SIPA1L3: variants seen among roughly 807,000 people sequenced by gnomAD.
SIPA1L3 encodes the protein signal-induced proliferation-associated 1-like protein 3.
Under a neutral mutation model 150.1 loss-of-function variants are expected in SIPA1L3, and 59 were observed. That is an observed-to-expected ratio of 0.39 (90% CI 0.32 to 0.49). The LOEUF (loss-of-function observed/expected upper bound fraction) is 0.49, where lower values mean the gene tolerates loss of function less well. SIPA1L3 is among the 20% of genes least tolerant of loss of function. The probability of loss-of-function intolerance (pLI) is 0.86; values close to 1 mark genes in which losing one functional copy is unlikely to be tolerated. For missense variants in SIPA1L3, 2,211 were observed against 2,489.5 expected (o/e 0.89, Z 2.38); for synonymous variants, 1,070 against 1,077.6 (o/e 0.99, Z 0.14).
At chr19:38,187,964 C>T (rs953486838) in intron 16 of SIPA1L3, among the ~76,000 whole-genome samples, 14 of 151,158 alleles carry the variant, frequency 9.3e-5, no homozygotes, top group African/African-American at 3.4e-4. Context: ...CCACTGCAGT[C>T]TAGCCTGGGC....
At chr19:38,030,625 T>TAC (rs57648899) in intron 2 of SIPA1L3, among the ~76,000 whole-genome samples, 2,565 of 20,526 alleles carry the variant, frequency 0.12, 297 homozygotes, top group African/African-American at 0.2. Context: ...ATGTGGCAAA[T>TAC]ATATATATAT....
intron 10 of SIPA1L3, among the ~76,000 whole-genome samples, chr19:38,135,830 C>G (rs887191268): frequency 6.6e-6 from 1 of 152,000 alleles, no homozygotes; most frequent in African/African-American, 2.4e-5. Flanking sequence ...GCTGATGACC[C>G]AGGCTCTGGG....
intron 2 of SIPA1L3, among the ~76,000 whole-genome samples, chr19:38,073,384 T>C (rs1969764303): frequency 6.6e-6 from 1 of 152,246 alleles, no homozygotes; most frequent in African/African-American, 2.4e-5. Flanking sequence ...TGACATGAGA[T>C]GACTAAATGT....
chr19:38,016,634 G>A (rs556944943), intron 1 of SIPA1L3, among the ~76,000 whole-genome samples: 36 of 151,904 alleles, frequency 2.4e-4, no homozygotes, highest in Non-Finnish European at 4.7e-4. Flanking sequence ...CTGGGATTAC[G>A]GGCACATGCC....
rs3083628 is a variant in SIPA1L3, at chr19:38,134,707, GAA to G, written c.3143+3959_3143+3960del. On this transcript the variant is annotated intron_variant, in intron 10 of 21. Coordinates refer to ENST00000222345, the MANE Select transcript of SIPA1L3 (RefSeq NM_015073.3). ...ATGACAGAGCGAGACTCTGTTTCAG[GAA>G]AAAAAAAAAAAAAAAAAAAAAAAGG... 8.5e-4 allele frequency among the ~76,000 whole-genome samples: 77 copies of G among 91,036 alleles called. No homozygotes were observed. The East Asian group carries it at 0.015, about 18-fold the overall frequency. 59.7% of individuals were successfully genotyped at this position (91,036 alleles called of 152,430 possible).
intron 1 of SIPA1L3, among the ~76,000 whole-genome samples, chr19:38,018,965 T>C (rs1968303666): frequency 6.6e-6 from 1 of 152,196 alleles, no homozygotes; most frequent in Non-Finnish European, 1.5e-5. Flanking sequence ...AAAGTGATCG[T>C]AACCCCACTC....
intron 12 of SIPA1L3, among the ~76,000 whole-genome samples, chr19:38,148,634 C>T (rs554906345): frequency 4.6e-5 from 7 of 152,260 alleles, no homozygotes; most frequent in Admixed American, 1.3e-4. Context: ...ATTGACAGAG[C>T]GGGCTGGAGC....
intron 2 of SIPA1L3, among the ~76,000 whole-genome samples, chr19:38,058,829 A>G (rs537002687): frequency 6.6e-6 from 1 of 152,274 alleles, no homozygotes; most frequent in African/African-American, 2.4e-5. Flanking sequence ...GTTCTAGAGC[A>G]GCCTGGCTGG....
At chr19:38,156,220 A>C (rs2145967999) in intron 13 of SIPA1L3, among the ~76,000 whole-genome samples, 1 of 152,146 alleles carries the variant, frequency 6.6e-6, no homozygotes, top group Non-Finnish European at 1.5e-5. Context: ...CACTGCCTGC[A>C]ATTCTGTCAT....
At chr19:38,034,829 C>T (rs935416708) in intron 2 of SIPA1L3, among the ~76,000 whole-genome samples, 2 of 152,172 alleles carry the variant, frequency 1.3e-5, no homozygotes, top group Non-Finnish European at 2.9e-5. Flanking sequence ...GTTATTCTTC[C>T]CAGGATGAGC....
intron 1 of SIPA1L3, among the ~76,000 whole-genome samples, chr19:37,924,270 A>G (rs2145487622): frequency 6.6e-6 from 1 of 152,260 alleles, no homozygotes; most frequent in South Asian, 2.1e-4. Flanking sequence ...CCACAGGATC[A>G]TTAGTATCAC....
chr19:38,109,474 A>G (rs1367358380), intron 7 of SIPA1L3: 2 of 152,134 alleles, frequency 1.3e-5, no homozygotes, highest in Non-Finnish European at 1.5e-5. Flanking sequence ...CAGCCAAACC[A>G]TATCAGAGGG....
At chr19:38,044,175 C>G (rs912354573) in intron 2 of SIPA1L3, among the ~76,000 whole-genome samples, 2 of 152,154 alleles carry the variant, frequency 1.3e-5, no homozygotes, top group Admixed American at 1.3e-4. Flanking sequence ...ACCCCAGGGT[C>G]GGGGTTTGCA....
intron 3 of SIPA1L3, 89 bp downstream of exon 3, chr19:38,083,188 C>A: frequency 7.8e-7 from 1 of 1,284,690 alleles, no homozygotes; most frequent in Non-Finnish European, 1.1e-6. Context: ...CTGTGCCAGG[C>A]CCTGCTCTGG....
intron 2 of SIPA1L3, among the ~76,000 whole-genome samples, chr19:38,037,633 C>T (rs549741022): frequency 1.4e-4 from 22 of 152,228 alleles, no homozygotes; most frequent in Admixed American, 1.3e-3. Context: ...CAGCAGTGAA[C>T]AAGACGACAA....
At chr19:37,919,695 G>A (rs912653018) in intron 1 of SIPA1L3, among the ~76,000 whole-genome samples, 4 of 148,260 alleles carry the variant, frequency 2.7e-5, no homozygotes, top group African/African-American at 1.0e-4. Context: ...GGCCCCTTTG[G>A]GCCCTGAGGC....
At chr19:38,055,604 C>T (rs1170679796) in intron 2 of SIPA1L3, among the ~76,000 whole-genome samples, 2 of 152,206 alleles carry the variant, frequency 1.3e-5, no homozygotes, top group Non-Finnish European at 2.9e-5. Flanking sequence ...CCTGCCACCC[C>T]AACAAATGTG....
chr19:37,918,858 G>A (rs2046434388), intron 1 of SIPA1L3, among the ~76,000 whole-genome samples: 1 of 150,488 alleles, frequency 6.6e-6, no homozygotes, highest in Non-Finnish European at 1.5e-5. Context: ...GCGGCAGAGC[G>A]AGACTCGGTC....
At chr19:38,000,901 T>C in intron 1 of SIPA1L3, among the ~76,000 whole-genome samples, 1 of 67,198 alleles carries the variant, frequency 1.5e-5, no homozygotes, top group Non-Finnish European at 3.1e-5. Flanking sequence ...ATGTTATATA[T>C]ATATATATAA....
Sources: gnomAD v4.1 joint callset for allele counts (sites outside exome capture counted in the v4.1 genomes callset) on GRCh38, gnomAD v4.1.1 for gene constraint, MANE v1.5 for transcripts, NCBI Gene and HGNC (gene_info 2026-07-23, HGNC 2026-07-21) for gene names.